The following RBFOX1 variants were observed in gnomAD, a reference collection of about 807,000 sequenced individuals.
RBFOX1 encodes RNA binding fox-1 homolog 1.
RBFOX1 carries 8 observed loss-of-function variants against 57.7 expected under a neutral mutation model. The ratio of observed to expected loss-of-function variants is 0.14; its 90% confidence interval spans 0.08 to 0.25. The LOEUF (loss-of-function observed/expected upper bound fraction) is 0.25. Among genes scored for constraint, RBFOX1 ranks in the 10% least tolerant of loss-of-function variants. RBFOX1 has a pLI of 1.00. For synonymous variants in RBFOX1, 326 were observed against 222.4 expected, an observed-to-expected ratio of 1.47 and a Z score of -4.15; for missense variants, 611 against 548.5, an observed-to-expected ratio of 1.11 and a Z score of -1.14.
chr16:6,737,064 G>T (rs1459587463), intron 3 of RBFOX1, among the ~76,000 whole-genome samples: 2 of 152,188 alleles, frequency 1.3e-5, no homozygotes, highest in African/African-American at 2.4e-5. Flanking sequence ...CCATGTGTCA[G>T]ATACTTCAGT....
chr16:6,833,292 A>G (rs2092842746), intron 3 of RBFOX1, among the ~76,000 whole-genome samples: 1 of 151,878 alleles, frequency 6.6e-6, no homozygotes, highest in Non-Finnish European at 1.5e-5. Flanking sequence ...CAGCCTCCTG[A>G]GTACCTGCGA....
intron 1 of RBFOX1, among the ~76,000 whole-genome samples, chr16:6,242,846 C>T (rs914568301): frequency 6.6e-6 from 1 of 152,038 alleles, no homozygotes; most frequent in Non-Finnish European, 1.5e-5. Flanking sequence ...TGCCTTTAAT[C>T]ACTACACTGA....
chr16:6,113,971 G>T (rs1309666315), intron 1 of RBFOX1, among the ~76,000 whole-genome samples: 1 of 152,130 alleles, frequency 6.6e-6, no homozygotes, highest in African/African-American at 2.4e-5. Flanking sequence ...AATAGAGCAG[G>T]TTTCTGTCAA....
At chr16:7,056,016 C>A (rs772151434) in intron 4 of RBFOX1, among the ~76,000 whole-genome samples, 1 of 152,190 alleles carries the variant, frequency 6.6e-6, no homozygotes, top group African/African-American at 2.4e-5. Flanking sequence ...TTCTACCCAT[C>A]TTGGCATTGT....
chr16:6,995,171 C>T (rs915906106), intron 3 of RBFOX1, among the ~76,000 whole-genome samples: 9 of 152,034 alleles, frequency 5.9e-5, no homozygotes, highest in African/African-American at 1.7e-4. Flanking sequence ...GGACATTTCT[C>T]TTACAGTGTG....
At chr16:5,261,549 G>GTTTTTT (rs4047465) in intron 1 of RBFOX1, among the ~76,000 whole-genome samples, 3 of 120,506 alleles carry the variant, frequency 2.5e-5, no homozygotes, top group East Asian at 2.5e-4. Context: ...TGTGTGTATG[G>GTTTTTT]TTTTTTTTTT....
chr16:6,450,510 C>G (rs2094567267), intron 2 of RBFOX1, among the ~76,000 whole-genome samples: 2 of 151,156 alleles, frequency 1.3e-5, no homozygotes, highest in African/African-American at 4.9e-5. Context: ...GGAAAGCCAG[C>G]AGGAAATGTT....
chr16:6,494,075 A>G (rs1046511388), intron 2 of RBFOX1, among the ~76,000 whole-genome samples: 1 of 152,216 alleles, frequency 6.6e-6, no homozygotes, highest in African/African-American at 2.4e-5. Context: ...AAATTTTTAC[A>G]GAGATAAATG....
intron 3 of RBFOX1, among the ~76,000 whole-genome samples, chr16:5,824,521 G>A (rs142649794): frequency 2.0e-5 from 3 of 152,208 alleles, no homozygotes; most frequent in Admixed American, 2.0e-4. Context: ...GTGACTTTAG[G>A]CTGGTCAGTG....
intron 4 of RBFOX1, among the ~76,000 whole-genome samples, chr16:5,900,758 G>T (rs187677997): frequency 5.6e-4 from 85 of 152,158 alleles, no homozygotes; most frequent in Admixed American, 5.1e-3. Context: ...AGGGGATGGT[G>T]CCAGGAATGT....
At chr16:7,449,941 C>G (rs1433535680) in intron 4 of RBFOX1, among the ~76,000 whole-genome samples, 1 of 152,010 alleles carries the variant, frequency 6.6e-6, no homozygotes, top group Non-Finnish European at 1.5e-5. Context: ...GGAGAGTTGT[C>G]TCTCTGACTG....
intron 2 of RBFOX1, among the ~76,000 whole-genome samples, chr16:6,501,359 C>G (rs1341587714): frequency 7.5e-6 from 1 of 133,878 alleles, no homozygotes; most frequent in Non-Finnish European, 1.5e-5. Context: ...TCTCACTGTT[C>G]AATTCCCACC....
At chr16:7,695,636 A>C (rs926492530) in intron 14 of RBFOX1, among the ~76,000 whole-genome samples, 1 of 133,964 alleles carries the variant, frequency 7.5e-6, no homozygotes, top group Non-Finnish European at 1.6e-5. Flanking sequence ...TGGACGACAG[A>C]GCAAGCCTCC....
At chr16:7,690,040 C>CCCTTGAATCCCTT in intron 14 of RBFOX1, among the ~76,000 whole-genome samples, 2 of 152,198 alleles carry the variant, frequency 1.3e-5, no homozygotes, top group South Asian at 4.1e-4. Context: ...TGATTCAACT[C>CCCTTGAATCCCTT]CCTTGAATCC....
At chr16:7,490,623 T>C (rs1380274080) in intron 4 of RBFOX1, among the ~76,000 whole-genome samples, 2 of 152,216 alleles carry the variant, frequency 1.3e-5, no homozygotes, top group Non-Finnish European at 2.9e-5. Context: ...CAAATTCTAC[T>C]TTGTGGAAGG....
intron 2 of RBFOX1, among the ~76,000 whole-genome samples, chr16:6,453,985 G>A (rs895690537): frequency 6.6e-6 from 1 of 152,190 alleles, no homozygotes; most frequent in Admixed American, 6.5e-5. Context: ...GGCATGGTTG[G>A]TTTGTTCTGA....
intron 4 of RBFOX1, among the ~76,000 whole-genome samples, chr16:7,376,317 A>T (rs557929457): frequency 1.3e-5 from 2 of 152,324 alleles, no homozygotes; most frequent in South Asian, 4.1e-4. Flanking sequence ...AAATTTCTCA[A>T]ATGTATTCCA....
chr16:5,768,462 C>G (rs879843116), intron 3 of RBFOX1, among the ~76,000 whole-genome samples: 8 of 152,198 alleles, frequency 5.3e-5, no homozygotes, highest in Non-Finnish European at 1.2e-4. Context: ...TTCCACGTGG[C>G]CCTGTCAGGA....
At chr16:7,299,899 T>C (rs751118316) in intron 4 of RBFOX1, among the ~76,000 whole-genome samples, 8 of 152,238 alleles carry the variant, frequency 5.3e-5, no homozygotes, top group Non-Finnish European at 1.2e-4. Flanking sequence ...AATTATGTTT[T>C]CGACATAGGA....
Sources: gnomAD v4.1 joint callset for allele counts (sites outside exome capture counted in the v4.1 genomes callset) on GRCh38, gnomAD v4.1.1 for gene constraint, MANE v1.5 for transcripts, NCBI Gene and HGNC (gene_info 2026-07-23, HGNC 2026-07-21) for gene names.